The following ATXN10 variants were observed in gnomAD, a reference collection of about 807,000 sequenced individuals.
ATXN10 encodes the protein ataxin-10.
A neutral mutation model predicts 52.9 loss-of-function variants in ATXN10; 28 were observed. That is an observed-to-expected ratio of 0.53 (90% CI 0.39 to 0.73). ATXN10 has a LOEUF of 0.73. ATXN10 is among the 30% of genes least tolerant of loss of function. The pLI is 0.00. For missense variants in ATXN10, 565 were observed against 577.0 expected (o/e 0.98, Z 0.21); for synonymous variants, 226 against 221.5 (o/e 1.02, Z -0.18).
intron 10 of ATXN10, among the ~76,000 whole-genome samples, chr22:45,809,123 T>A (rs902177471): frequency 2.6e-5 from 4 of 152,182 alleles, no homozygotes; most frequent in Non-Finnish European, 4.4e-5. Context: ...GCCTAGAGAT[T>A]CAGTTTTTAG....
chr22:45,799,147 T>C (rs1052740216), intron 9 of ATXN10, among the ~76,000 whole-genome samples: 89 of 152,054 alleles, frequency 5.9e-4, no homozygotes, highest in Non-Finnish European at 2.4e-4. Flanking sequence ...CTCAGCTCAC[T>C]GCAACCCCCG....
intron 1 of ATXN10, among the ~76,000 whole-genome samples, chr22:45,682,910 G>A (rs527350254): frequency 1.6e-4 from 24 of 152,236 alleles, no homozygotes; most frequent in African/African-American, 4.8e-4. Flanking sequence ...TCCAAAAACA[G>A]CCCCCTAACT....
Position 45,770,917 on chromosome 22 carries a change from A to T in ATXN10, c.1173+30379A>T, listed in dbSNP as rs896207332. Reference sequence around the variant, plus strand: ...TCACTTGGAGAGAGAGGACAGAGCCACAGAGCCTTCTCAGAGAGAAGAACC... The same window carrying T: ...TCACTTGGAGAGAGAGGACAGAGCCTCAGAGCCTTCTCAGAGAGAAGAACC... On this transcript the variant is annotated intron_variant, in intron 9 of 11. Transcript: ENST00000252934. This position sits in a 1 kb window ranked among gnomAD's most constrained non-coding sequence, Gnocchi z 4.5. Among the ~76,000 whole-genome samples, 2 of 152,200 alleles carry T rather than the reference A, an allele frequency of 1.3e-5. No individual in the cohort carries two copies. Among genetic ancestry groups the T allele is most frequent in the Non-Finnish European group, 2.9e-5 (2 of 68,028 alleles).
chr22:45,831,694 T>G (rs1055698542), intron 10 of ATXN10, among the ~76,000 whole-genome samples: 3 of 152,256 alleles, frequency 2.0e-5, no homozygotes, highest in African/African-American at 7.2e-5. Context: ...TGTTCGGCAG[T>G]GGAACAGCAA....
chr22:45,776,097 A>G (rs1182741797), intron 9 of ATXN10, among the ~76,000 whole-genome samples: 1 of 152,206 alleles, frequency 6.6e-6, no homozygotes, highest in Non-Finnish European at 1.5e-5. Flanking sequence ...CATGTCCTCG[A>G]AATCAAGATG....
intron 9 of ATXN10, among the ~76,000 whole-genome samples, chr22:45,748,726 T>C (rs16994481): frequency 3.0e-3 from 453 of 152,340 alleles, no homozygotes; most frequent in African/African-American, 0.011. Flanking sequence ...AGATTGAATG[T>C]ATAGGCAAGA....
chr22:45,793,741 AC>A, intron 9 of ATXN10: 3 of 1,433,474 alleles, frequency 2.1e-6, no homozygotes, highest in East Asian at 2.8e-5. Flanking sequence ...AGCTCTTGCC[AC>A]CCCCGATTCC....
Position 45,750,416 on chromosome 22 carries a change from G to A in ATXN10, c.1173+9878G>A, listed in dbSNP as rs1046047288. ...CGGCCGACAACAGTGATTTTAAATG[G>A]ATTTGTGTTTAACAGTAAAAAACAA... is the stretch of plus-strand genomic sequence containing the variant. On this transcript the variant is annotated intron_variant, in intron 9 of 11. Transcript: ENST00000252934. This position sits in a 1 kb window ranked among gnomAD's most constrained non-coding sequence, Gnocchi z 4.2. Among the ~76,000 whole-genome samples, 2 of 152,060 alleles carry A rather than the reference G, an allele frequency of 1.3e-5. No homozygotes were observed. Among genetic ancestry groups the A allele is most frequent in the African/African-American group, 2.4e-5 (1 of 41,412 alleles).
intron 1 of ATXN10, chr22:45,679,422 T>C (rs2146725001): frequency 6.6e-6 from 1 of 152,366 alleles, no homozygotes. Flanking sequence ...TACTTGGTTG[T>C]ATAAATATGT....
At chr22:45,685,110 C>CA (rs1923084480) in intron 1 of ATXN10, among the ~76,000 whole-genome samples, 1 of 125,774 alleles carries the variant, frequency 8.0e-6, no homozygotes, top group East Asian at 2.3e-4. Flanking sequence ...TTTTTTTTTT[C>CA]AGTAGGAGGT....
chr22:45,771,122 T>G (rs1482868561), intron 9 of ATXN10, among the ~76,000 whole-genome samples: 1 of 152,168 alleles, frequency 6.6e-6, no homozygotes, highest in African/African-American at 2.4e-5. Context: ...TGAAAAGAGG[T>G]TCACACAAAA....
Position 45,715,296 on chromosome 22 carries a change from C to G in ATXN10, c.648-3117C>G, listed in dbSNP as rs972721267. 6.6e-6 allele frequency among the ~76,000 whole-genome samples: 1 copy of G among 152,066 alleles called. No homozygotes were observed. Among genetic ancestry groups the G allele is most frequent in the Non-Finnish European group, 1.5e-5 (1 of 68,020 alleles). On this transcript the variant is annotated intron_variant, in intron 5 of 11. Transcript: ENST00000252934. This position sits in a 1 kb window ranked among gnomAD's most constrained non-coding sequence, Gnocchi z 4.4. ...TTAAGGTAGGGGGTAAATTGTTATT[C>G]CATTATGCCCAGAAGCAGAAGCGAT...
intron 9 of ATXN10, among the ~76,000 whole-genome samples, chr22:45,741,640 T>A (rs982806177): frequency 3.9e-5 from 6 of 151,982 alleles, no homozygotes; most frequent in African/African-American, 1.5e-4. Context: ...CTGGGCATAG[T>A]CCTTCCTGAA....
intron 1 of ATXN10, among the ~76,000 whole-genome samples, chr22:45,686,166 A>G (rs1161095425): frequency 6.6e-6 from 1 of 152,104 alleles, no homozygotes; most frequent in East Asian, 1.9e-4. Context: ...TTCACTGCCT[A>G]TGTCAGGCTT....
intron 7 of ATXN10, among the ~76,000 whole-genome samples, chr22:45,735,914 A>T (rs1925278096): frequency 8.1e-6 from 1 of 123,366 alleles, no homozygotes; most frequent in African/African-American, 3.0e-5. Flanking sequence ...CATTAATCTT[A>T]TTTTTTAAGA....
intron 9 of ATXN10, among the ~76,000 whole-genome samples, chr22:45,796,225 G>A (rs549205320): frequency 8.5e-5 from 13 of 152,182 alleles, no homozygotes; most frequent in Admixed American, 4.6e-4. Flanking sequence ...CTCCTGCAGC[G>A]CCCTCAGGCT....
intron 7 of ATXN10, among the ~76,000 whole-genome samples, chr22:45,737,303 G>A (rs1381852344): frequency 1.3e-5 from 2 of 152,206 alleles, no homozygotes; most frequent in South Asian, 4.1e-4. Context: ...GATGTCCAGG[G>A]TTACCTTTTG....
intron 10 of ATXN10, among the ~76,000 whole-genome samples, chr22:45,809,866 G>A (rs1311892129): frequency 6.6e-6 from 1 of 152,054 alleles, no homozygotes. Context: ...TTCCTGTTCT[G>A]TGATTACCTT....
rs552914348 is a variant in ATXN10, at chr22:45,740,622, G to A, written c.1173+84G>A. 14 of 1,361,700 alleles carry A rather than the reference G, an allele frequency of 1.0e-5. No homozygotes were observed. In the African/African-American group the frequency reaches 2.0e-4, roughly 20 times the overall value. The allele number at this position is 1,361,700 out of a possible 1,614,324, so 84.4% of individuals were successfully genotyped here. A position where few individuals can be genotyped will look rare whatever the true frequency, so the allele number is the denominator to read the frequency against. ...TGGAAGACATTCACTCTTTTGGAGT[G>A]AAAGCTTGAGGTGCTTAGAAAGTAG... On this transcript the variant is annotated intron_variant, in intron 9 of 11. Coordinates refer to ENST00000252934, the MANE Select transcript of ATXN10 (RefSeq NM_013236.4).
Sources: allele counts gnomAD v4.1 joint callset (sites outside exome capture counted in the v4.1 genomes callset), GRCh38; gene constraint gnomAD v4.1.1; non-coding constraint Gnocchi (gnomAD v3.1); transcripts MANE v1.5; gene names NCBI Gene and HGNC (gene_info 2026-07-23, HGNC 2026-07-21).